Variants in PLD2 observed in about 807,000 individuals in gnomAD.
The protein encoded by PLD2 is phospholipase D2.
A neutral mutation model predicts 119.8 loss-of-function variants in PLD2; 101 were observed. That is an observed-to-expected ratio of 0.84 (90% CI 0.72 to 0.99). The LOEUF is 0.99. PLD2 is among the 50% of genes least tolerant of loss of function. The pLI is 0.00. For synonymous variants in PLD2, 494 were observed against 482.8 expected (o/e 1.02, Z -0.30); for missense variants, 1,164 against 1,226.8 (o/e 0.95, Z 0.76).
rs376923956 is a variant in PLD2, at chr17:4,816,925, G to A, written c.1583-12G>A. On this transcript the variant is annotated splice_polypyrimidine_tract_variant and intron_variant, in intron 15 of 24. Transcript: ENST00000263088. ...CCCTGACATCTCCCCTGACTCTCCT[G>A]GGACCCCCCAGATTTCATTGACAGG... 14 of 1,608,188 alleles carry A rather than the reference G, an allele frequency of 8.7e-6. No individual in the cohort carries two copies. The East Asian group carries it at 2.2e-4, about 26-fold the overall frequency.
chr17:4,821,455 G>C (rs922730251), intron 23 of PLD2, among the ~76,000 whole-genome samples: 2 of 151,802 alleles, frequency 1.3e-5, no homozygotes, highest in African/African-American at 4.8e-5. Flanking sequence ...GTTCAGTGGC[G>C]TTACCACGGC....
intron 23 of PLD2, among the ~76,000 whole-genome samples, chr17:4,820,258 TTTTTTG>T (rs965266753): frequency 1.6e-5 from 2 of 121,420 alleles, no homozygotes; most frequent in South Asian, 2.5e-4. Context: ...AAAAGAAATC[TTTTTTG>T]TTGTTGTTGT....
At position 4,810,863 on chromosome 17, in the gene PLD2, G is replaced by C; in HGVS notation, c.922G>C (p.Glu308Gln). 6.2e-7 allele frequency: 1 copy of C among 1,613,848 alleles called. No homozygotes were observed. Among genetic ancestry groups the C allele is most frequent in the Non-Finnish European group, 8.5e-7 (1 of 1,179,902 alleles). ...ACGGTGGTGGGCCCAAGAGATCACT[G>C]AGCTGGCACAGGGCCCAGGCAGAGA... ...QARWWAQEITELAQGPGRDFL... is the reference protein window; with the variant it reads ...QARWWAQEITQLAQGPGRDFL... Residue 308 changes from glutamate to glutamine, a missense_variant, in exon 10 of 25, where the codon GAG becomes CAG. Transcript: ENST00000263088.
chr17:4,810,693 T>G (rs1033389029), intron 9 of PLD2, 109 bp from the exon 10 acceptor site: 1 of 1,027,702 alleles, frequency 9.7e-7, no homozygotes, highest in African/African-American at 1.7e-5. Context: ...CCTATCCCTG[T>G]GCAGTTGTGA....
At position 4,819,531 on chromosome 17, in the gene PLD2, C is replaced by T. The variant is rs1281352160; in HGVS notation, c.2411C>T (p.Ala804Val). 1.2e-6 allele frequency: 2 copies of T among 1,613,864 alleles called. No individual in the cohort carries two copies. Among genetic ancestry groups the T allele is most frequent in the African/African-American group, 1.3e-5 (1 of 74,890 alleles). The change falls in exon 23 of 25, where the codon GCA becomes GTA. Residue 804 changes from alanine to valine, a missense_variant. Ala to Val is a moderately conservative substitution (Grantham distance 64, BLOSUM62 0). Transcript: ENST00000263088. The surrounding 1 kb of genome is among the most constrained non-coding windows in gnomAD (Gnocchi z 4.2). ...ACGGAACCATCCCTCATGAATGGGG[C>T]AGAGTATCAGGCGGGCAGGTTTGCC... is the stretch of plus-strand genomic sequence containing the variant. ...TETEPSLMNG[A>V]EYQAGRFALS...
chr17:4,821,829 T>A lies in PLD2; in HGVS notation c.2499T>A (p.Asp833Glu), dbSNP rs752886381. Residue 833 changes from aspartate to glutamate, a missense_variant, in exon 24 of 25, where the codon GAT becomes GAA. Physicochemically the swap from Asp to Glu is conservative, Grantham distance 45. Transcript: ENST00000263088. ...GAGCAAATACCCGGCCAGACTTGGA[T>A]CTCCGAGACCCCATCTGTGATGACT... ...ILGANTRPDLDLRDPICDDFF... is the reference protein window; with the variant it reads ...ILGANTRPDLELRDPICDDFF... 3.1e-6 allele frequency: 5 copies of A among 1,613,860 alleles called. No homozygotes were observed. The Admixed American group carries it at 6.7e-5, about 22-fold the overall frequency.
chr17:4,813,641 T>C (rs930926153), intron 10 of PLD2, among the ~76,000 whole-genome samples: 6 of 152,154 alleles, frequency 3.9e-5, no homozygotes, highest in East Asian at 3.9e-4. Flanking sequence ...GGGTAGATCA[T>C]TGGGGTCAGG....
rs558449929 is a variant in PLD2 at position 4,815,869 on chromosome 17, C to T, written c.1390C>T (p.Arg464Cys). Residue 464 changes from arginine to cysteine, a missense_variant, in exon 14 of 25, where the codon CGC (arginine) becomes TGC (cysteine). Coordinates refer to ENST00000263088, the MANE Select transcript of PLD2 (RefSeq NM_002663.5). Reference sequence around the variant, plus strand: ...GGGGGGACTGGACCTTGCCTATGGCCGCTGGGATGACCTGCACTACCGACT... The same window carrying T: ...GGGGGGACTGGACCTTGCCTATGGCTGCTGGGATGACCTGCACTACCGACT... ...FLGGLDLAYG[R>C]WDDLHYRLTD... is the part of the protein sequence containing the mutation. 2.0e-5 allele frequency: 33 copies of T among 1,614,086 alleles called. No homozygotes were observed. The highest frequency in any genetic ancestry group is 5.3e-5 in the African/African-American group (4 of 75,024).
rs1132448 is a variant in PLD2 at position 4,815,481 on chromosome 17, G to A, written c.1179G>A (p.Glu393=). Residue 393 remains glutamate, a synonymous_variant, in exon 13 of 25, where the codon GAG becomes GAA. Coordinates refer to ENST00000263088, the MANE Select transcript of PLD2 (RefSeq NM_002663.5). ...ATTCCCCAACTCACCACCAGGAGGAGGGTGTCCGTGTGTCTATTCTGCTGT... is the reference window on the plus strand; with the variant it reads ...ATTCCCCAACTCACCACCAGGAGGAAGGTGTCCGTGTGTCTATTCTGCTGT... ...LDIMLKRKAE[E]GVRVSILLFK... 1,136,791 of 1,594,646 alleles carry A rather than the reference G, an allele frequency of 0.71. 409,784 individuals are homozygous for A. Among genetic ancestry groups the A allele is most frequent in the South Asian group, 0.78 (70,453 of 90,700 alleles).
chr17:4,808,215 C>T lies in PLD2; in HGVS notation c.241-59C>T. 1 of 1,597,446 alleles carries T rather than the reference C, an allele frequency of 6.3e-7. No individual in the cohort carries two copies. Among genetic ancestry groups the T allele is most frequent in the South Asian group, 1.1e-5 (1 of 89,460 alleles). ...GGGAAGGGGCAAAAGGAGGGCTGGC[C>T]AGAGTGGGGAGGCGGGGACCCACGC... On this transcript the variant is annotated intron_variant, in intron 3 of 24. Transcript: ENST00000263088. The surrounding 1 kb of genome is among the most constrained non-coding windows in gnomAD (Gnocchi z 4.1).
At chr17:4,813,007 T>G (rs758711268) in intron 10 of PLD2, among the ~76,000 whole-genome samples, 43 of 151,976 alleles carry the variant, frequency 2.8e-4, no homozygotes, top group South Asian at 4.2e-4. Context: ...GTTTGTTTTG[T>G]TTTGGTTTGG....
At chr17:4,812,121 C>CT (rs969556549) in intron 10 of PLD2, among the ~76,000 whole-genome samples, 85 of 145,096 alleles carry the variant, frequency 5.9e-4, no homozygotes, top group African/African-American at 9.1e-4. Context: ...GGCCTATATA[C>CT]TTTTTTTTTT....
chr17:4,807,871 A>C lies in PLD2; in HGVS notation c.99A>C (p.Gly33=). The C allele has an allele frequency of 1.9e-6, 3 of 1,612,732 alleles. No individual in the cohort carries two copies. The highest frequency in any genetic ancestry group is 2.5e-6 in the Non-Finnish European group (3 of 1,179,222). Reference sequence around the variant, plus strand: ...ATGAGGTGGACACCCTGAAGGAGGGAGAGGACCCAGGTACACAGGGAAGAT... The same window carrying C: ...ATGAGGTGGACACCCTGAAGGAGGGCGAGGACCCAGGTACACAGGGAAGAT... The part of the protein sequence containing the change: ...ESDEVDTLKE[G]EDPADRMHPF... Residue 33 remains glycine (G), a synonymous_variant, in exon 2 of 25, where the codon GGA becomes GGC. Coordinates refer to ENST00000263088, the MANE Select transcript of PLD2 (RefSeq NM_002663.5). This position sits in a 1 kb window ranked among gnomAD's most constrained non-coding sequence, Gnocchi z 5.4.
rs1466995512 is a variant in PLD2, at chr17:4,818,171, G to A, written c.1920+65G>A. The A allele has an allele frequency of 4.2e-6, 6 of 1,426,752 alleles. No individual in the cohort carries two copies. In the East Asian group the frequency reaches 9.1e-5, roughly 22 times the overall value. 88.4% of individuals were successfully genotyped at this position (1,426,752 alleles called of 1,614,324 possible). A position where few individuals can be genotyped will look rare whatever the true frequency, so the allele number is the denominator to read the frequency against. On this transcript the variant is annotated intron_variant, in intron 18 of 24. Transcript: ENST00000263088. The stretch of plus-strand genomic sequence containing the variant: ...GTCCCAGGAGAGAGACCTGGGGAAT[G>A]AGTGGAGTCAGTCATTGAGGGCTGG...
At chr17:4,822,350 G>A (rs981477053) in intron 24 of PLD2, among the ~76,000 whole-genome samples, 3 of 151,864 alleles carry the variant, frequency 2.0e-5, no homozygotes, top group Admixed American at 1.3e-4. Context: ...AAGTTAGCCG[G>A]GCATGGTGGT....
Position 4,819,017 on chromosome 17 carries a change from A to T in PLD2, c.2174-67A>T. 6.3e-7 allele frequency: 1 copy of T among 1,594,788 alleles called. No individual in the cohort carries two copies. Among genetic ancestry groups the T allele is most frequent in the Non-Finnish European group, 8.6e-7 (1 of 1,167,952 alleles). The stretch of plus-strand genomic sequence containing the variant: ...ATGTAGGAAGAGTTTCTGGAGTGAG[A>T]GGAGGTGGGACAGGGCCCTGTGCAC... On this transcript the variant is annotated intron_variant, in intron 21 of 24. Coordinates refer to ENST00000263088, the MANE Select transcript of PLD2 (RefSeq NM_002663.5). This position sits in a 1 kb window ranked among gnomAD's most constrained non-coding sequence, Gnocchi z 4.2.
At chr17:4,809,630 G>C (rs1001877975) in intron 7 of PLD2, 61 bp from the exon 8 acceptor site, 9 of 1,610,518 alleles carry the variant, frequency 5.6e-6, no homozygotes, top group African/African-American at 5.3e-5. Context: ...GGGGCAAGCA[G>C]TGCAGGGTGG....
Position 4,818,534 on chromosome 17 carries a change from C to G in PLD2, c.2050C>G (p.Leu684Val). The G allele has an allele frequency of 1.2e-6, 2 of 1,614,044 alleles. No homozygotes were observed. The highest frequency in any genetic ancestry group is 1.7e-6 in the Non-Finnish European group (2 of 1,179,974). ...CCGAGTCTACGTGCTTTTGCCCTTACTCCCTGGCTTCGAGGGTGACATCTC... is the reference window on the plus strand; with the variant it reads ...CCGAGTCTACGTGCTTTTGCCCTTAGTCCCTGGCTTCGAGGGTGACATCTC... ...CYRVYVLLPL[L>V]PGFEGDISTG... Residue 684 changes from leucine to valine, a missense_variant, in exon 20 of 25, where the codon CTC becomes GTC. Transcript: ENST00000263088.
intron 18 of PLD2, 83 bp from the exon 19 acceptor site, chr17:4,818,214 C>G: frequency 7.0e-7 from 1 of 1,437,416 alleles, no homozygotes; most frequent in Non-Finnish European, 9.8e-7. Context: ...GAAGCAGACG[C>G]CTGGAGCCTG....
Sources: allele counts gnomAD v4.1 joint callset (sites outside exome capture counted in the v4.1 genomes callset), GRCh38; gene constraint gnomAD v4.1.1; non-coding constraint Gnocchi (gnomAD v3.1); transcripts MANE v1.5; gene names NCBI Gene and HGNC (gene_info 2026-07-23, HGNC 2026-07-21).